The following CEMIP variants were observed in gnomAD, a reference collection of about 807,000 sequenced individuals.
CEMIP encodes the protein cell migration inducing hyaluronidase 1.
Under a neutral mutation model 156.9 loss-of-function variants are expected in CEMIP, and 105 were observed. The ratio of observed to expected loss-of-function variants is 0.67; its 90% CI spans 0.57 to 0.79. The LOEUF (loss-of-function observed/expected upper bound fraction) is 0.79, where lower values mean the gene tolerates loss of function less well. Ranked by LOEUF, CEMIP falls within the 30% of genes least tolerant of loss-of-function variation. The pLI is 0.00. For synonymous variants in CEMIP, 676 were observed against 668.4 expected (o/e 1.01, Z -0.17); for missense variants, 1,457 against 1,769.4 (o/e 0.82, Z 3.17).
At chr15:80,943,141 A>C (rs1462431050) in intron 28 of CEMIP, 39 bp downstream of exon 28, 2 of 1,609,244 alleles carry the variant, frequency 1.2e-6, no homozygotes. Context: ...GGCTGCTGGC[A>C]CAGCAGACCC....
chr15:80,877,928 A>G (rs1453318619), intron 3 of CEMIP, among the ~76,000 whole-genome samples: 2 of 152,208 alleles, frequency 1.3e-5, no homozygotes, highest in African/African-American at 4.8e-5. Flanking sequence ...AGCCTTCCAG[A>G]CAGCCATCTA....
At chr15:80,843,256 G>C (rs942871216) in intron 1 of CEMIP, among the ~76,000 whole-genome samples, 1 of 152,198 alleles carries the variant, frequency 6.6e-6, no homozygotes, top group Non-Finnish European at 1.5e-5. Flanking sequence ...AGTGGTCACT[G>C]GTTCAAGTGA....
chr15:80,908,334 C>G (rs1423205642), intron 13 of CEMIP, among the ~76,000 whole-genome samples: 1 of 152,208 alleles, frequency 6.6e-6, no homozygotes, highest in Non-Finnish European at 1.5e-5. Flanking sequence ...AGGGCCGCTA[C>G]TACTGGAGTT....
chr15:80,890,668 C>T (rs1413085034), intron 10 of CEMIP, among the ~76,000 whole-genome samples: 1 of 152,036 alleles, frequency 6.6e-6, no homozygotes, highest in Admixed American at 6.5e-5. Context: ...ATAAAAATAG[C>T]TACCCCATTT....
intron 1 of CEMIP, among the ~76,000 whole-genome samples, chr15:80,863,628 A>T (rs1019883619): frequency 6.6e-6 from 1 of 152,250 alleles, no homozygotes; most frequent in Non-Finnish European, 1.5e-5. Context: ...AAAACAAATT[A>T]TGCATTTCAA....
chr15:80,792,589 A>G (rs138444403), intron 1 of CEMIP, among the ~76,000 whole-genome samples: 345 of 152,356 alleles, frequency 2.3e-3, no homozygotes, highest in Non-Finnish European at 3.6e-3. Flanking sequence ...TCTTGTACAT[A>G]CTAGGTATAC....
intron 14 of CEMIP, among the ~76,000 whole-genome samples, chr15:80,915,309 TA>T (rs1260812116): frequency 6.6e-5 from 10 of 152,246 alleles, no homozygotes. Context: ...AGTTAAACTA[TA>T]AACTAAGTTC....
At chr15:80,864,544 C>T (rs1429407368) in intron 1 of CEMIP, among the ~76,000 whole-genome samples, 3 of 152,214 alleles carry the variant, frequency 2.0e-5, no homozygotes, top group South Asian at 2.1e-4. Context: ...CCACACACAT[C>T]GCATACATCA....
intron 27 of CEMIP, among the ~76,000 whole-genome samples, chr15:80,942,682 A>C (rs945017983): frequency 1.3e-4 from 20 of 152,216 alleles, no homozygotes; most frequent in African/African-American, 4.3e-4. Flanking sequence ...TTAATCAAAA[A>C]ATCTTTTAAC....
intron 19 of CEMIP, among the ~76,000 whole-genome samples, chr15:80,927,799 G>C (rs1900752611): frequency 6.6e-6 from 1 of 152,192 alleles, no homozygotes; most frequent in African/African-American, 2.4e-5. Context: ...AAAAGCCATG[G>C]AGGGGCCTGG....
intron 12 of CEMIP, among the ~76,000 whole-genome samples, chr15:80,900,642 G>GTGTGTGTGTGTC (rs1596172870): frequency 3.1e-5 from 4 of 127,134 alleles, no homozygotes; most frequent in Non-Finnish European, 5.3e-5. Context: ...GTGTGTGTGT[G>GTGTGTGTGTGTC]TGTGTGTCTG....
At chr15:80,811,934 G>A (rs1896680984) in intron 1 of CEMIP, among the ~76,000 whole-genome samples, 2 of 152,164 alleles carry the variant, frequency 1.3e-5, no homozygotes, top group Admixed American at 1.3e-4. Flanking sequence ...GAGTGCCAGA[G>A]AATTTACGTC....
chr15:80,895,836 C>A, intron 11 of CEMIP, 33 bp from the exon 12 acceptor site: 1 of 1,609,454 alleles, frequency 6.2e-7, no homozygotes, highest in Non-Finnish European at 8.5e-7. Flanking sequence ...GAGCAAAGGG[C>A]TCTATCTCAG....
At chr15:80,814,752 A>G (rs972399281) in intron 1 of CEMIP, among the ~76,000 whole-genome samples, 1 of 152,348 alleles carries the variant, frequency 6.6e-6, no homozygotes, top group East Asian at 1.9e-4. Flanking sequence ...AATGGCTATG[A>G]GAGAGATTTC....
At chr15:80,936,435 C>G (rs1465149277) in intron 23 of CEMIP, among the ~76,000 whole-genome samples, 1 of 152,212 alleles carries the variant, frequency 6.6e-6, no homozygotes, top group Non-Finnish European at 1.5e-5. Context: ...CAACAGAGCA[C>G]TTTTATGAAG....
In CEMIP at chr15:80,950,747, A is replaced by T. The variant is rs555298709; in HGVS notation, c.*1823A>T. 1 of 152,832 alleles carries T rather than the reference A, an allele frequency of 6.5e-6. No homozygotes were observed. Among genetic ancestry groups the T allele is most frequent in the East Asian group, 1.9e-4 (1 of 5,172 alleles). 9.5% of individuals were successfully genotyped at this position (152,832 alleles called of 1,614,324 possible). A position where few individuals can be genotyped will look rare whatever the true frequency, so the allele number is the denominator to read the frequency against. On this transcript the variant is annotated 3_prime_UTR_variant, in exon 30 of 30. Coordinates refer to ENST00000394685, the MANE Select transcript of CEMIP (RefSeq NM_001293298.2). Reference sequence around the variant, plus strand: ...GCTCTCTCCCTGGCCCACCTTATAGAGAGCCCAAAGAGCTCCTGTAAGAGG... The same window carrying T: ...GCTCTCTCCCTGGCCCACCTTATAGTGAGCCCAAAGAGCTCCTGTAAGAGG...
At chr15:80,799,812 G>A (rs981256394) in intron 1 of CEMIP, among the ~76,000 whole-genome samples, 1 of 152,174 alleles carries the variant, frequency 6.6e-6, no homozygotes, top group Admixed American at 6.5e-5. Flanking sequence ...AGTGAAATAA[G>A]CCCTGACTTG....
intron 1 of CEMIP, among the ~76,000 whole-genome samples, chr15:80,853,628 CT>C (rs1184820550): frequency 1.3e-5 from 2 of 152,152 alleles, no homozygotes; most frequent in Admixed American, 6.5e-5. Flanking sequence ...GGTAGGACTA[CT>C]TGAGAGAGAA....
intron 14 of CEMIP, among the ~76,000 whole-genome samples, chr15:80,917,579 T>C (rs751780125): frequency 9.2e-5 from 14 of 152,300 alleles, no homozygotes; most frequent in Middle Eastern, 3.4e-3. Flanking sequence ...TTGATATTGA[T>C]TGACTTATTA....
Sources: gnomAD v4.1 joint callset for allele counts (sites outside exome capture counted in the v4.1 genomes callset) on GRCh38, gnomAD v4.1.1 for gene constraint, MANE v1.5 for transcripts, NCBI Gene and HGNC (gene_info 2026-07-23, HGNC 2026-07-21) for gene names.